The following CHL1 variants were observed in gnomAD, a reference collection of about 807,000 sequenced individuals.
The protein encoded by CHL1 is neural cell adhesion molecule L1-like protein.
CHL1 carries 96 observed loss-of-function variants against 141.9 expected under a neutral mutation model. The ratio of observed to expected loss-of-function variants is 0.68; its 90% confidence interval spans 0.57 to 0.80. The LOEUF (loss-of-function observed/expected upper bound fraction) is 0.80, where lower values mean the gene tolerates loss of function less well. Among genes scored for constraint, CHL1 ranks in the 30% least tolerant of loss-of-function variants. CHL1 has a pLI of 0.00. For synonymous variants in CHL1, 613 were observed against 502.2 expected, an observed-to-expected ratio of 1.22 and a Z score of -2.95; for missense variants, 1,820 against 1,457.2, an observed-to-expected ratio of 1.25 and a Z score of -4.05.
chr3:264,577 C>T (rs910108944), intron 2 of CHL1, among the ~76,000 whole-genome samples: 2 of 152,120 alleles, frequency 1.3e-5, no homozygotes, highest in African/African-American at 4.8e-5. Context: ...GTGTTCCAAA[C>T]CCAAAGATTG....
intron 1 of CHL1, among the ~76,000 whole-genome samples, chr3:210,707 A>G (rs190997035): frequency 2.0e-5 from 3 of 152,252 alleles, no homozygotes; most frequent in Non-Finnish European, 4.4e-5. Context: ...TAACAGAATT[A>G]TTAAACCCAT....
intron 2 of CHL1, among the ~76,000 whole-genome samples, chr3:249,695 A>G (rs1270124688): frequency 6.6e-6 from 1 of 152,134 alleles, no homozygotes; most frequent in Non-Finnish European, 1.5e-5. Context: ...GCAGGTAAAT[A>G]ATTGTATATT....
chr3:209,347 G>A (rs369473561), intron 1 of CHL1, among the ~76,000 whole-genome samples: 23 of 152,202 alleles, frequency 1.5e-4, no homozygotes, highest in Admixed American at 7.2e-4. Context: ...TATTTCTTCC[G>A]CAAGAGAGAG....
chr3:243,507 C>T (rs1281802595), intron 1 of CHL1, among the ~76,000 whole-genome samples: 1 of 152,164 alleles, frequency 6.6e-6, no homozygotes, highest in Non-Finnish European at 1.5e-5. Context: ...GTATTAAGGA[C>T]ACAGTCTGTG....
chr3:202,237 C>T (rs946603392), intron 1 of CHL1, among the ~76,000 whole-genome samples: 4 of 152,046 alleles, frequency 2.6e-5, no homozygotes, highest in South Asian at 2.1e-4. Context: ...ATTAGTAGCA[C>T]GGTTTTTTAT....
At chr3:242,379 G>A (rs560822340) in intron 1 of CHL1, among the ~76,000 whole-genome samples, 259 of 142,802 alleles carry the variant, frequency 1.8e-3, no homozygotes, top group African/African-American at 5.5e-3. Context: ...GGCAGATCAC[G>A]AGGTCAGGAG....
chr3:252,682 T>C (rs1253733818), intron 2 of CHL1, among the ~76,000 whole-genome samples: 1 of 151,932 alleles, frequency 6.6e-6, no homozygotes, highest in Non-Finnish European at 1.5e-5. Context: ...AGGAAGAACC[T>C]ACCCAATCAA....
rs376047603 is a variant in CHL1, at chr3:390,833, T to G, written c.2586+17T>G. 1.7e-4 allele frequency: 263 copies of G among 1,535,456 alleles called. 1 individual carries two copies. Among genetic ancestry groups the G allele is most frequent in the Admixed American group, 4.0e-4 (24 of 59,678 alleles). On this transcript the variant is annotated intron_variant, in intron 21 of 27. Coordinates refer to ENST00000256509, the MANE Select transcript of CHL1 (RefSeq NM_006614.4). ...GGCTATCAGGTTTTTATCATCATGG[T>G]TTTTCCTCTTCTTGTTGAATTGGTA...
chr3:398,209 A>T lies in CHL1; in HGVS notation c.3095-18A>T. The T allele has an allele frequency of 6.5e-7, 1 of 1,546,670 alleles. No homozygotes were observed. The highest frequency in any genetic ancestry group is 1.4e-5 in the African/African-American group (1 of 73,020). On this transcript the variant is annotated intron_variant, in intron 24 of 27. Coordinates refer to ENST00000256509, the MANE Select transcript of CHL1 (RefSeq NM_006614.4). The stretch of plus-strand genomic sequence containing the variant: ...CCATGATTACAATTCACATGATTTA[A>T]CTGTGTACATTTCTTAGGTAAAGGT...
intron 1 of CHL1, among the ~76,000 whole-genome samples, chr3:236,327 T>C (rs958989519): frequency 1.3e-5 from 2 of 152,194 alleles, no homozygotes; most frequent in African/African-American, 4.8e-5. Context: ...TGCTACATGC[T>C]GGAGCTGGAT....
At chr3:239,834 G>A (rs1692381001) in intron 1 of CHL1, among the ~76,000 whole-genome samples, 1 of 151,974 alleles carries the variant, frequency 6.6e-6, no homozygotes, top group East Asian at 1.9e-4. Context: ...TTAAGAGTGA[G>A]AACATAGGAT....
At chr3:367,432 G>A (rs1705044405) in intron 15 of CHL1, among the ~76,000 whole-genome samples, 1 of 152,188 alleles carries the variant, frequency 6.6e-6, no homozygotes, top group African/African-American at 2.4e-5. Context: ...TTTGAACTTA[G>A]ACAAGCTGCT....
At chr3:198,139 T>C (rs1698548353) in intron 1 of CHL1, 1 of 211,920 alleles carries the variant, frequency 4.7e-6, no homozygotes, top group Non-Finnish European at 9.7e-6. Flanking sequence ...AGGGTGGGCG[T>C]TTGGGCTGCT....
At chr3:242,924 G>T (rs1050065179) in intron 1 of CHL1, among the ~76,000 whole-genome samples, 1 of 152,144 alleles carries the variant, frequency 6.6e-6, no homozygotes, top group Non-Finnish European at 1.5e-5. Flanking sequence ...CACAAGTACT[G>T]ATCTCTGTTG....
chr3:291,422 T>C (rs1697683197), intron 2 of CHL1, among the ~76,000 whole-genome samples: 1 of 151,918 alleles, frequency 6.6e-6, no homozygotes, highest in Non-Finnish European at 1.5e-5. Flanking sequence ...ATTTTAGTTT[T>C]ATTTTTTCTT....
At chr3:243,211 A>G (rs763796325) in intron 1 of CHL1, among the ~76,000 whole-genome samples, 1 of 152,182 alleles carries the variant, frequency 6.6e-6, no homozygotes, top group Admixed American at 6.5e-5. Flanking sequence ...CAAACATTGC[A>G]TTATTTCTTT....
rs1366780600 is a variant in CHL1 at position 363,225 on chromosome 3, T to C, written c.1427T>C (p.Val476Ala). The change falls in exon 14 of 28, where the codon GTG becomes GCG. Residue 476 changes from valine to alanine, a missense_variant. Transcript: ENST00000256509. ...GCTTTCTTTGTCCATAGGCAGAAGGTGGAAGAAGTGAAACCCCTGGAGGGC... is the reference window on the plus strand; with the variant it reads ...GCTTTCTTTGTCCATAGGCAGAAGGCGGAAGAAGTGAAACCCCTGGAGGGC... ...SPEAVVSWQK[V>A]EEVKPLEGRR... is the part of the protein sequence containing the mutation. The C allele has an allele frequency of 1.9e-6, 3 of 1,608,798 alleles. No individual in the cohort carries two copies. Among genetic ancestry groups the C allele is most frequent in the Admixed American group, 1.7e-5 (1 of 58,482 alleles).
intron 2 of CHL1, among the ~76,000 whole-genome samples, chr3:245,027 A>T (rs904190678): frequency 6.6e-6 from 1 of 152,164 alleles, no homozygotes; most frequent in African/African-American, 2.4e-5. Context: ...AAATAGTTTC[A>T]CCACTGAGAT....
chr3:298,430 A>G (rs332480), intron 2 of CHL1, among the ~76,000 whole-genome samples: 8,876 of 152,202 alleles, frequency 0.058, 896 homozygotes, highest in African/African-American at 0.2. Context: ...GGAAATCTCT[A>G]GGTGACATGT....
Sources: gnomAD v4.1 joint callset for allele counts (sites outside exome capture counted in the v4.1 genomes callset) on GRCh38, gnomAD v4.1.1 for gene constraint, MANE v1.5 for transcripts, NCBI Gene and HGNC (gene_info 2026-07-23, HGNC 2026-07-21) for gene names.